Variants in PEBP4 observed in about 807,000 individuals in gnomAD.
The protein encoded by PEBP4 is phosphatidylethanolamine-binding protein 4.
PEBP4 carries 22 observed loss-of-function variants against 23.9 expected under a neutral mutation model. That is an observed-to-expected ratio of 0.92 (90% CI 0.66 to 1.31). The LOEUF (loss-of-function observed/expected upper bound fraction) is 1.31, where lower values mean the gene tolerates loss of function less well. Ranked by LOEUF, PEBP4 falls within the 40% of genes most tolerant of loss-of-function variation. The pLI, the probability that PEBP4 is intolerant of heterozygous loss-of-function variation, is 0.00. For synonymous variants in PEBP4, 112 were observed against 99.3 expected (o/e 1.13, Z -0.76); for missense variants, 324 against 281.7 (o/e 1.15, Z -1.07).
intron 3 of PEBP4, among the ~76,000 whole-genome samples, chr8:22,848,438 T>C (rs1172978861): frequency 6.7e-6 from 1 of 149,826 alleles, no homozygotes; most frequent in Non-Finnish European, 1.5e-5. Flanking sequence ...CCAAGGGGGA[T>C]AGGGGAGAGG....
chr8:22,873,478 A>T (rs1808053250), intron 3 of PEBP4, among the ~76,000 whole-genome samples: 1 of 151,958 alleles, frequency 6.6e-6, no homozygotes, highest in South Asian at 2.1e-4. Flanking sequence ...TACAAAAAAA[A>T]AAATTAGCTG....
chr8:22,821,812 C>A (rs1250906776), intron 3 of PEBP4, among the ~76,000 whole-genome samples: 1 of 151,878 alleles, frequency 6.6e-6, no homozygotes, highest in Non-Finnish European at 1.5e-5. Context: ...GGTGAAACCC[C>A]GTCTCTACTA....
intron 4 of PEBP4, among the ~76,000 whole-genome samples, chr8:22,793,243 C>T (rs1257770021): frequency 6.6e-6 from 1 of 152,004 alleles, no homozygotes; most frequent in African/African-American, 2.4e-5. Context: ...ATATATTCAC[C>T]TTCAACCATT....
intron 3 of PEBP4, among the ~76,000 whole-genome samples, chr8:22,831,788 C>T (rs968676973): frequency 2.0e-5 from 3 of 152,168 alleles, no homozygotes; most frequent in African/African-American, 7.2e-5. Flanking sequence ...AAGGCCATGC[C>T]TGGCAAAGGA....
intron 4 of PEBP4, among the ~76,000 whole-genome samples, chr8:22,809,358 G>A (rs1806568121): frequency 6.6e-6 from 1 of 152,138 alleles, no homozygotes; most frequent in Non-Finnish European, 1.5e-5. Flanking sequence ...GGCTGAGGCA[G>A]GTGTGGCTAG....
intron 3 of PEBP4, among the ~76,000 whole-genome samples, chr8:22,917,059 T>C (rs899715578): frequency 9.8e-5 from 14 of 142,214 alleles, no homozygotes; most frequent in African/African-American, 2.7e-4. Context: ...GGTGGGAAGC[T>C]CTATGGTGGG....
chr8:22,797,698 A>C (rs957074799), intron 4 of PEBP4, among the ~76,000 whole-genome samples: 1 of 152,168 alleles, frequency 6.6e-6, no homozygotes, highest in Non-Finnish European at 1.5e-5. Flanking sequence ...GATCTGAAGG[A>C]ACCGGGGGAA....
chr8:22,938,491 T>C (rs1809568971), intron 1 of PEBP4, among the ~76,000 whole-genome samples: 2 of 150,278 alleles, frequency 1.3e-5, no homozygotes, highest in East Asian at 2.0e-4. Context: ...AGTATAATAG[T>C]ATCTGGCCAT....
chr8:22,842,295 G>A (rs1050792989), intron 3 of PEBP4, among the ~76,000 whole-genome samples: 14 of 152,152 alleles, frequency 9.2e-5, no homozygotes, highest in African/African-American at 2.9e-4. Context: ...GTGACTTTTA[G>A]GAGGGGATCC....
chr8:22,858,028 C>T (rs1353970433), intron 3 of PEBP4, among the ~76,000 whole-genome samples: 3 of 152,156 alleles, frequency 2.0e-5, no homozygotes, highest in Admixed American at 6.5e-5. Context: ...CTTTTCAGAG[C>T]GTGGGGACCA....
chr8:22,829,412 C>A (rs528763734), intron 3 of PEBP4, among the ~76,000 whole-genome samples: 2 of 152,314 alleles, frequency 1.3e-5, no homozygotes, highest in East Asian at 3.9e-4. Context: ...AAATCTCCAA[C>A]CTCCAACCTC....
chr8:22,736,763 G>A (rs1051523519), intron 4 of PEBP4, among the ~76,000 whole-genome samples: 7 of 152,110 alleles, frequency 4.6e-5, no homozygotes, highest in Admixed American at 2.6e-4. Flanking sequence ...TCAGGTTGCC[G>A]GGACGCCTCA....
chr8:22,850,936 G>A (rs1193735229), intron 3 of PEBP4, among the ~76,000 whole-genome samples: 2 of 152,156 alleles, frequency 1.3e-5, no homozygotes, highest in Non-Finnish European at 2.9e-5. Context: ...AAAAGAAACG[G>A]GCTTGTTGGA....
intron 3 of PEBP4, among the ~76,000 whole-genome samples, chr8:22,898,431 A>AAAAAAAAC (rs1563253603): frequency 1.7e-4 from 21 of 123,840 alleles, no homozygotes; most frequent in Admixed American, 4.2e-4. Flanking sequence ...AAAAAAAAAA[A>AAAAAAAAC]CCCACCCAGT....
At chr8:22,779,132 C>T (rs376116453) in intron 4 of PEBP4, among the ~76,000 whole-genome samples, 2 of 152,022 alleles carry the variant, frequency 1.3e-5, no homozygotes, top group South Asian at 2.1e-4. Context: ...CCCAGCTCTG[C>T]GCGTGTGATG....
chr8:22,746,629 C>G (rs538439516), intron 4 of PEBP4, among the ~76,000 whole-genome samples: 1 of 151,892 alleles, frequency 6.6e-6, no homozygotes, highest in Non-Finnish European at 1.5e-5. Context: ...CTTCTCCCTC[C>G]TCTCTCTCCT....
Position 22,745,070 on chromosome 8 carries a change from T to A in PEBP4, c.358-17850A>T, listed in dbSNP as rs539000876. ...ACAAAGAGGGGCTGTGTTCAGAAAATTGATTCTGAAGGGAAGGGAATATTT... is the reference window on the plus strand; with the variant it reads ...ACAAAGAGGGGCTGTGTTCAGAAAAATGATTCTGAAGGGAAGGGAATATTT... On this transcript the variant is annotated intron_variant, in intron 4 of 6. Coordinates refer to ENST00000256404, the MANE Select transcript of PEBP4 (RefSeq NM_144962.3). 6.0e-4 allele frequency among the ~76,000 whole-genome samples: 92 copies of A among 152,244 alleles called. 1 individual carries two copies. In the East Asian group the frequency reaches 0.016, roughly 27 times the overall value.
At chr8:22,901,123 CCTT>C (rs1186926407) in intron 3 of PEBP4, among the ~76,000 whole-genome samples, 1 of 152,282 alleles carries the variant, frequency 6.6e-6, no homozygotes, top group East Asian at 1.9e-4. Context: ...AAAATTTCTG[CCTT>C]CTTATGAACG....
intron 3 of PEBP4, among the ~76,000 whole-genome samples, chr8:22,916,993 G>A (rs555678873): frequency 1.3e-5 from 2 of 152,258 alleles, no homozygotes; most frequent in Admixed American, 6.5e-5. Flanking sequence ...GCATTGTGAC[G>A]GGAGCAGGGT....
Sources: gnomAD v4.1 joint callset for allele counts (sites outside exome capture counted in the v4.1 genomes callset) on GRCh38, gnomAD v4.1.1 for gene constraint, MANE v1.5 for transcripts, NCBI Gene and HGNC (gene_info 2026-07-23, HGNC 2026-07-21) for gene names.